Variants in TIMP3 observed in about 807,000 individuals in gnomAD.
The protein encoded by TIMP3 is metalloproteinase inhibitor 3.
In TIMP3, 11 loss-of-function variants were observed where a neutral mutation model predicts 30.0. That is an observed-to-expected ratio of 0.37 (90% CI 0.23 to 0.61). The LOEUF (loss-of-function observed/expected upper bound fraction) is 0.61, where lower values mean the gene tolerates loss of function less well. Among genes scored for constraint, TIMP3 ranks in the 20% least tolerant of loss-of-function variants. The probability of loss-of-function intolerance (pLI) is 0.70; values close to 1 mark genes in which losing one functional copy is unlikely to be tolerated. For missense variants in TIMP3, 181 were observed against 276.8 expected (o/e 0.65, Z 2.45); for synonymous variants, 112 against 111.3 (o/e 1.01, Z -0.04).
intron 4 of TIMP3, 105 bp downstream of exon 4, chr22:32,858,243 A>G (rs2146290961): frequency 6.5e-7 from 1 of 1,530,616 alleles, no homozygotes; most frequent in South Asian, 1.2e-5. Context: ...TGGGAAGGGT[A>G]TGCATGTGTT....
chr22:32,838,093 C>T (rs1218007919), intron 1 of TIMP3, among the ~76,000 whole-genome samples: 1 of 152,192 alleles, frequency 6.6e-6, no homozygotes, highest in East Asian at 1.9e-4. Context: ...CTTCTTGTCT[C>T]ACAAGAGTAA....
At chr22:32,842,396 A>T (rs1028784693) in intron 1 of TIMP3, among the ~76,000 whole-genome samples, 2 of 152,108 alleles carry the variant, frequency 1.3e-5, no homozygotes, top group Non-Finnish European at 2.9e-5. Flanking sequence ...TCTCACCTAG[A>T]CATCATCAAA....
At chr22:32,848,098 G>C (rs543065137) in intron 1 of TIMP3, among the ~76,000 whole-genome samples, 1 of 152,350 alleles carries the variant, frequency 6.6e-6, no homozygotes, top group Admixed American at 6.5e-5. Context: ...AATACCTGAA[G>C]ACAGCTCTTG....
chr22:32,807,698 TC>T (rs908362671), intron 1 of TIMP3, among the ~76,000 whole-genome samples: 23 of 151,040 alleles, frequency 1.5e-4, no homozygotes, highest in African/African-American at 5.1e-4. Context: ...TCACCCTGGC[TC>T]TAAAATATAT....
At chr22:32,827,374 C>T (rs951237173) in intron 1 of TIMP3, among the ~76,000 whole-genome samples, 1 of 152,248 alleles carries the variant, frequency 6.6e-6, no homozygotes, top group Non-Finnish European at 1.5e-5. Context: ...GCCACCCTAC[C>T]CCGTTTCCTT....
chr22:32,824,277 CAA>C (rs130288), intron 1 of TIMP3, among the ~76,000 whole-genome samples: 14 of 133,180 alleles, frequency 1.1e-4, no homozygotes, highest in African/African-American at 3.7e-4. Context: ...GACTCCATCT[CAA>C]AAAAAAAAAA....
intron 1 of TIMP3, among the ~76,000 whole-genome samples, chr22:32,824,120 T>C (rs1402961797): frequency 6.6e-6 from 1 of 151,680 alleles, no homozygotes; most frequent in Non-Finnish European, 1.5e-5. Flanking sequence ...CTACTAAAAA[T>C]ACAAAAAATT....
chr22:32,810,037 G>A (rs2046873406), intron 1 of TIMP3, among the ~76,000 whole-genome samples: 1 of 152,194 alleles, frequency 6.6e-6, no homozygotes, highest in African/African-American at 2.4e-5. Context: ...CAGAGGAGGT[G>A]ACATGGGTTC....
chr22:32,811,153 C>G (rs2046905390), intron 1 of TIMP3, among the ~76,000 whole-genome samples: 1 of 151,874 alleles, frequency 6.6e-6, no homozygotes, highest in Non-Finnish European at 1.5e-5. Context: ...CCAGAACTGA[C>G]TATACGGTAA....
In TIMP3 at chr22:32,822,172, A is replaced by AG. The variant is rs1018088739; in HGVS notation, c.121+20050_121+20051insG. On this transcript the variant is annotated intron_variant, in intron 1 of 4. Transcript: ENST00000266085. ...CTCCATCTCAAAAAAAAAAAAAAAA[A>AG]AAGAAGTTGGAGCTCTGTCTGTCTG... Among the ~76,000 whole-genome samples the AG allele has an allele frequency of 3.3e-4, 50 of 150,556 alleles. 1 individual carries two copies. The highest frequency in any genetic ancestry group is 7.9e-4 in the East Asian group (4 of 5,086).
In TIMP3 at chr22:32,801,770, T is replaced by C; in HGVS notation, c.-232T>C. 3.5e-6 allele frequency: 1 copy of C among 285,618 alleles called. No homozygotes were observed. The highest frequency in any genetic ancestry group is 6.0e-6 in the Non-Finnish European group (1 of 165,804). The allele number at this position is 285,618 out of a possible 1,614,324, so 17.7% of individuals were successfully genotyped here. A position where few individuals can be genotyped will look rare whatever the true frequency, so the allele number is the denominator to read the frequency against. ...CTCCTCCTCCTCTTGCTCCTCCAGC[T>C]CCTGCTCCTTCGCCGGGAGGCCGCC... On this transcript the variant is annotated 5_prime_UTR_variant, in exon 1 of 5. Transcript: ENST00000266085. This position sits in a 1 kb window ranked among gnomAD's most constrained non-coding sequence, Gnocchi z 4.7.
intron 1 of TIMP3, among the ~76,000 whole-genome samples, chr22:32,834,323 A>ATTT (rs5845042): frequency 2.6e-4 from 38 of 143,412 alleles, no homozygotes; most frequent in Admixed American, 1.2e-3. Flanking sequence ...TGGCTAATTT[A>ATTT]TTTTTTTTTT....
chr22:32,802,081 C>T lies in TIMP3; in HGVS notation c.80C>T (p.Ser27Leu), dbSNP rs1436459662. Residue 27 changes from serine (S) to leucine (L), a missense_variant, in exon 1 of 5, where the codon TCG becomes TTG. Physicochemically the swap from Ser to Leu is moderately radical, Grantham distance 145 (BLOSUM62 -2). This residue lies in a region of TIMP3 where 71 missense variants were observed against 79.7 expected (regional missense o/e 0.89). Transcript: ENST00000266085. ...TGGGGCGCCGAGGCGTGCACATGCT[C>T]GCCCAGCCACCCCCAGGACGCCTTC... ...GDWGAEACTC[S>L]PSHPQDAFCN... The T allele has an allele frequency of 5.7e-6, 9 of 1,578,138 alleles. No individual in the cohort carries two copies. Among genetic ancestry groups the T allele is most frequent in the Non-Finnish European group, 7.7e-6 (9 of 1,167,034 alleles).
chr22:32,825,426 T>G (rs1420059282), intron 1 of TIMP3, among the ~76,000 whole-genome samples: 1 of 151,902 alleles, frequency 6.6e-6, no homozygotes, highest in Admixed American at 6.6e-5. Flanking sequence ...TTTGTGAGGC[T>G]GAGGCAGGTG....
intron 2 of TIMP3, among the ~76,000 whole-genome samples, chr22:32,853,575 CAAG>C (rs964582797): frequency 2.8e-4 from 42 of 151,430 alleles, no homozygotes; most frequent in African/African-American, 9.4e-4. Context: ...TAGATGCTAC[CAAG>C]AAGAAGAAGA....
At chr22:32,833,010 G>T (rs1238080018) in intron 1 of TIMP3, among the ~76,000 whole-genome samples, 1 of 151,874 alleles carries the variant, frequency 6.6e-6, no homozygotes, top group African/African-American at 2.4e-5. Flanking sequence ...TGGGATTACA[G>T]GCGTGAGCCA....
intron 1 of TIMP3, among the ~76,000 whole-genome samples, chr22:32,829,553 T>C (rs2047515948): frequency 2.0e-5 from 3 of 152,228 alleles, no homozygotes; most frequent in Admixed American, 2.0e-4. Context: ...GCCCGCCTCC[T>C]GTTTCGTGAA....
At chr22:32,817,304 G>C (rs1230614335) in intron 1 of TIMP3, among the ~76,000 whole-genome samples, 1 of 152,156 alleles carries the variant, frequency 6.6e-6, no homozygotes, top group Non-Finnish European at 1.5e-5. Context: ...TAAAAGCTCT[G>C]AGAAGTCCTG....
intron 1 of TIMP3, among the ~76,000 whole-genome samples, chr22:32,833,408 C>G (rs2047635764): frequency 6.6e-6 from 1 of 152,130 alleles, no homozygotes; most frequent in East Asian, 1.9e-4. Flanking sequence ...GGGAAGCAGT[C>G]CAAAGGAGAA....
Sources: gnomAD v4.1 joint callset for allele counts (sites outside exome capture counted in the v4.1 genomes callset) on GRCh38, gnomAD v4.1.1 for gene constraint, gnomAD v4.1.1 regional missense constraint, Gnocchi (gnomAD v3.1) non-coding constraint, MANE v1.5 for transcripts, NCBI Gene and HGNC (gene_info 2026-07-23, HGNC 2026-07-21) for gene names.